KCNQ1: variants seen among roughly 807,000 people sequenced by gnomAD.
KCNQ1 encodes the protein potassium voltage-gated channel subfamily KQT member 1.
Under a neutral mutation model 72.4 loss-of-function variants are expected in KCNQ1, and 49 were observed. That is an observed-to-expected ratio of 0.68 (90% CI 0.54 to 0.86). The LOEUF (loss-of-function observed/expected upper bound fraction) is 0.86. Ranked by LOEUF, KCNQ1 falls within the 40% of genes least tolerant of loss-of-function variation. The pLI is 0.00. For missense variants in KCNQ1, 790 were observed against 945.1 expected (o/e 0.84, Z 2.15); for synonymous variants, 450 against 412.6 (o/e 1.09, Z -1.10).
At chr11:2,556,831 T>G (rs1297667729) in intron 2 of KCNQ1, among the ~76,000 whole-genome samples, 1 of 152,118 alleles carries the variant, frequency 6.6e-6, no homozygotes, top group East Asian at 1.9e-4. Context: ...AAATGAGAGT[T>G]CAGTGACATC....
At chr11:2,662,546 G>C (rs1849980902) in intron 11 of KCNQ1, 3 of 427,512 alleles carry the variant, frequency 7.0e-6, no homozygotes, top group Non-Finnish European at 1.2e-5. Context: ...ACGCCTTCCA[G>C]TTGGCCTTCC....
rs1288396561 is a variant in KCNQ1, at chr11:2,550,803, G to A, written c.478-19825G>A. ...AGTCCCGAGTACAAGGCATGGACAG[G>A]AGCCAGGCTTCACCTAGCACCTGGC... On this transcript the variant is annotated intron_variant, in intron 2 of 15. Coordinates refer to ENST00000155840, the MANE Select transcript of KCNQ1 (RefSeq NM_000218.3). This position sits in a 1 kb window ranked among gnomAD's most constrained non-coding sequence, Gnocchi z 6.0. Among the ~76,000 whole-genome samples the A allele has an allele frequency of 1.3e-5, 2 of 152,130 alleles. No individual in the cohort carries two copies. The highest frequency in any genetic ancestry group is 3.9e-4 in the East Asian group (2 of 5,172).
chr11:2,770,023 C>T (rs1024137852), intron 12 of KCNQ1, among the ~76,000 whole-genome samples: 6 of 152,136 alleles, frequency 3.9e-5, no homozygotes, highest in Non-Finnish European at 7.4e-5. Context: ...TTGGGTCGGG[C>T]TGGGAAGATC....
chr11:2,536,693 C>A lies in KCNQ1; in HGVS notation c.477+8675C>A, dbSNP rs1372364837. On this transcript the variant is annotated intron_variant, in intron 2 of 15. Transcript: ENST00000155840. This position sits in a 1 kb window ranked among gnomAD's most constrained non-coding sequence, Gnocchi z 7.4. ...CACAGGGCGTGGCTCTCCCTCCCAGCCTGCCAGAGGGACCGCTGGGCCTAT... is the reference window on the plus strand; with the variant it reads ...CACAGGGCGTGGCTCTCCCTCCCAGACTGCCAGAGGGACCGCTGGGCCTAT... Among the ~76,000 whole-genome samples the A allele has an allele frequency of 6.6e-6, 1 of 150,868 alleles. No homozygotes were observed. Among genetic ancestry groups the A allele is most frequent in the East Asian group, 1.9e-4 (1 of 5,192 alleles).
At chr11:2,832,943 C>G (rs1315649492) in intron 15 of KCNQ1, among the ~76,000 whole-genome samples, 6 of 152,280 alleles carry the variant, frequency 3.9e-5, no homozygotes, top group East Asian at 1.9e-4. Context: ...TTGACCTGGT[C>G]CCTCCCCTCT....
At chr11:2,597,868 G>A (rs576568498) in intron 10 of KCNQ1, among the ~76,000 whole-genome samples, 3 of 152,224 alleles carry the variant, frequency 2.0e-5, no homozygotes, top group Non-Finnish European at 4.4e-5. Context: ...TTGCCACTTG[G>A]TAGCAACTGA....
rs1258393846 is a variant in KCNQ1, at chr11:2,627,736, C to A, written c.1394-34225C>A. On this transcript the variant is annotated intron_variant, in intron 10 of 15. Transcript: ENST00000155840. This position sits in a 1 kb window ranked among gnomAD's most constrained non-coding sequence, Gnocchi z 4.9. ...GTGTTTATTTGGGAATTTGGTGATA[C>A]ACACACACACACTATTTTCTTCCTT... The A allele has an allele frequency of 2.5e-6, 1 of 394,098 alleles. No homozygotes were observed. Among genetic ancestry groups the A allele is most frequent in the Non-Finnish European group, 4.5e-6 (1 of 223,496 alleles). 24.4% of individuals were successfully genotyped at this position (394,098 alleles called of 1,614,324 possible).
intron 11 of KCNQ1, among the ~76,000 whole-genome samples, chr11:2,743,518 C>T (rs1183152125): frequency 5.9e-5 from 9 of 152,304 alleles, no homozygotes. Flanking sequence ...AGCTCCCCGG[C>T]ATGCAGCTCC....
intron 10 of KCNQ1, chr11:2,629,978 A>G: frequency 2.5e-6 from 1 of 396,766 alleles, no homozygotes; most frequent in East Asian, 3.6e-5. Flanking sequence ...AGTGGTGAGA[A>G]TATCTTTTTC....
At chr11:2,520,507 G>C (rs1847363754) in intron 1 of KCNQ1, among the ~76,000 whole-genome samples, 1 of 152,064 alleles carries the variant, frequency 6.6e-6, no homozygotes, top group African/African-American at 2.4e-5. Flanking sequence ...CCACTGGTGA[G>C]GGGGGTGACA....
Position 2,746,203 on chromosome 11 carries a change from T to G in KCNQ1, c.1515-22641T>G, listed in dbSNP as rs1349819411. The stretch of plus-strand genomic sequence containing the variant: ...CCATGCCCAGCCTCTTGCCGTCATT[T>G]TTTTTATTTTAAATAAACTTTGATT... On this transcript the variant is annotated intron_variant, in intron 11 of 15. Coordinates refer to ENST00000155840, the MANE Select transcript of KCNQ1 (RefSeq NM_000218.3). This position sits in a 1 kb window ranked among gnomAD's most constrained non-coding sequence, Gnocchi z 5.9. Among the ~76,000 whole-genome samples, 3 of 152,228 alleles carry G rather than the reference T, an allele frequency of 2.0e-5. No homozygotes were observed. Among genetic ancestry groups the G allele is most frequent in the South Asian group, 2.1e-4 (1 of 4,830 alleles).
In KCNQ1 at chr11:2,679,793, G is replaced by C. The variant is rs1850357840; in HGVS notation, c.1514+17712G>C. 4 of 398,458 alleles carry C rather than the reference G, an allele frequency of 1.0e-5. No individual in the cohort carries two copies. The highest frequency in any genetic ancestry group is 1.3e-5 in the Non-Finnish European group (3 of 226,072). The allele number at this position is 398,458 out of a possible 1,614,324, so 24.7% of individuals were successfully genotyped here. A position where few individuals can be genotyped will look rare whatever the true frequency, so the allele number is the denominator to read the frequency against. On this transcript the variant is annotated intron_variant, in intron 11 of 15. Coordinates refer to ENST00000155840, the MANE Select transcript of KCNQ1 (RefSeq NM_000218.3). This position sits in a 1 kb window ranked among gnomAD's most constrained non-coding sequence, Gnocchi z 4.8. Reference sequence around the variant, plus strand: ...CACTAGGGCCTGTTAGGCCAGTTGAGGGCTAGAGGAGCACAAGGGGCCAGA... The same window carrying C: ...CACTAGGGCCTGTTAGGCCAGTTGACGGCTAGAGGAGCACAAGGGGCCAGA...
Position 2,464,381 on chromosome 11 carries a change from G to A in KCNQ1, c.386+18897G>A, listed in dbSNP as rs887022154. Among the ~76,000 whole-genome samples, 13 of 152,194 alleles carry A rather than the reference G, an allele frequency of 8.5e-5. No individual in the cohort carries two copies. Among genetic ancestry groups the A allele is most frequent in the African/African-American group, 3.1e-4 (13 of 41,440 alleles). ...ATCATTTAAATTAAAATATATAAGT[G>A]AGGAGAGGCTGGTAAGAGGATTCTG... On this transcript the variant is annotated intron_variant, in intron 1 of 15. Transcript: ENST00000155840. The surrounding 1 kb of genome is among the most constrained non-coding windows in gnomAD (Gnocchi z 5.0).
At chr11:2,554,187 CTTCAATTT>C (rs1848035638) in intron 2 of KCNQ1, among the ~76,000 whole-genome samples, 1 of 152,208 alleles carries the variant, frequency 6.6e-6, no homozygotes, top group Non-Finnish European at 1.5e-5. Context: ...ATTTCCTGCT[CTTCAATTT>C]TTAGGAAGAG....
intron 15 of KCNQ1, among the ~76,000 whole-genome samples, chr11:2,835,397 TCACACACACA>T (rs36227626): frequency 0.17 from 21,937 of 130,502 alleles, 1,686 homozygotes; most frequent in Middle Eastern, 0.26. Flanking sequence ...AAACCCTGAC[TCACACACACA>T]CACACACACA....
intron 11 of KCNQ1, among the ~76,000 whole-genome samples, chr11:2,729,473 C>T (rs170786): frequency 0.32 from 48,480 of 152,182 alleles, 8,469 homozygotes; most frequent in African/African-American, 0.45. Context: ...AAAACTGATA[C>T]GAAATTCCAA....
chr11:2,690,044 C>G lies in KCNQ1; in HGVS notation c.1514+27963C>G, dbSNP rs2283190. 0.026 allele frequency: 10,502 copies of G among 398,966 alleles called. 417 individuals carry two copies. The highest frequency in any genetic ancestry group is 0.095 in the East Asian group (2,674 of 28,074). The allele number at this position is 398,966 out of a possible 1,614,324, so 24.7% of individuals were successfully genotyped here. A position where few individuals can be genotyped will look rare whatever the true frequency, so the allele number is the denominator to read the frequency against. ...CTTCCGAGGGCCAGCCCTGCCTCTCCTCCCCTCTCCTAGCCTGCTTCTGTC... is the reference window on the plus strand; with the variant it reads ...CTTCCGAGGGCCAGCCCTGCCTCTCGTCCCCTCTCCTAGCCTGCTTCTGTC... On this transcript the variant is annotated intron_variant, in intron 11 of 15. Coordinates refer to ENST00000155840, the MANE Select transcript of KCNQ1 (RefSeq NM_000218.3). This position sits in a 1 kb window ranked among gnomAD's most constrained non-coding sequence, Gnocchi z 5.1.
At position 2,724,217 on chromosome 11, in the gene KCNQ1, C is replaced by T. The variant is rs1030626330; in HGVS notation, c.1515-44627C>T. On this transcript the variant is annotated intron_variant, in intron 11 of 15. Coordinates refer to ENST00000155840, the MANE Select transcript of KCNQ1 (RefSeq NM_000218.3). This position sits in a 1 kb window ranked among gnomAD's most constrained non-coding sequence, Gnocchi z 6.8. ...CACAGATCCAGGCTCAGATGATATA[C>T]AGTCCTCCTCCCGGCTCAGGACCCC... is the stretch of plus-strand genomic sequence containing the variant. Among the ~76,000 whole-genome samples, 1 of 152,236 alleles carries T rather than the reference C, an allele frequency of 6.6e-6. No homozygotes were observed. Among genetic ancestry groups the T allele is most frequent in the African/African-American group, 2.4e-5 (1 of 41,456 alleles).
chr11:2,528,121 C>A (rs1847543922), intron 2 of KCNQ1, 103 bp downstream of exon 2: 6 of 999,346 alleles, frequency 6.0e-6, no homozygotes, highest in African/African-American at 1.6e-5. Flanking sequence ...CCACTCCCAG[C>A]CCCTTGCCCA....
Sources: allele counts gnomAD v4.1 joint callset (sites outside exome capture counted in the v4.1 genomes callset), GRCh38; gene constraint gnomAD v4.1.1; non-coding constraint Gnocchi (gnomAD v3.1); transcripts MANE v1.5; gene names NCBI Gene and HGNC (gene_info 2026-07-23, HGNC 2026-07-21).